Variants in ANK1 observed in about 807,000 individuals in gnomAD.
ANK1 encodes ankyrin-1.
ANK1 carries 51 observed loss-of-function variants against 210.4 expected under a neutral mutation model. That is an observed-to-expected ratio of 0.24 (90% CI 0.19 to 0.31). The LOEUF (loss-of-function observed/expected upper bound fraction) is 0.31. ANK1 is among the 10% of genes least tolerant of loss of function. ANK1 has a pLI of 1.00. For synonymous variants in ANK1, 967 were observed against 1,025.9 expected (o/e 0.94, Z 1.10); for missense variants, 2,051 against 2,504.4 (o/e 0.82, Z 3.86).
intron 2 of ANK1, among the ~76,000 whole-genome samples, chr8:41,750,338 C>A (rs1025803813): frequency 6.6e-6 from 1 of 152,280 alleles, no homozygotes; most frequent in East Asian, 1.9e-4. Flanking sequence ...CTTTTGTGAT[C>A]GTTCAGATGG....
At chr8:41,836,096 C>T (rs1241728996) in intron 1 of ANK1, among the ~76,000 whole-genome samples, 3 of 152,184 alleles carry the variant, frequency 2.0e-5, no homozygotes, top group South Asian at 2.1e-4. Context: ...CTCTCAGGGA[C>T]GACACAGCTG....
intron 1 of ANK1, among the ~76,000 whole-genome samples, chr8:41,876,245 G>A (rs1381488049): frequency 1.3e-5 from 2 of 151,776 alleles, no homozygotes; most frequent in East Asian, 3.9e-4. Flanking sequence ...CTCCAGCCGC[G>A]GCACCCTGGC....
chr8:41,890,870 G>GA (rs1219833798), intron 1 of ANK1, among the ~76,000 whole-genome samples: 12 of 151,838 alleles, frequency 7.9e-5, no homozygotes, highest in Non-Finnish European at 1.6e-4. Context: ...GAACAACTAA[G>GA]AAAAAAAACC....
chr8:41,699,325 G>T (rs571096263), intron 23 of ANK1, 127 bp downstream of exon 23: 5 of 890,642 alleles, frequency 5.6e-6, no homozygotes, highest in Non-Finnish European at 7.4e-6. Context: ...GGTGCAAACC[G>T]TCTCTCTCTG....
intron 1 of ANK1, among the ~76,000 whole-genome samples, chr8:41,875,835 G>T (rs980695704): frequency 6.6e-6 from 1 of 152,182 alleles, no homozygotes; most frequent in African/African-American, 2.4e-5. Flanking sequence ...AGATGATCTA[G>T]TGTTACACGG....
intron 1 of ANK1, among the ~76,000 whole-genome samples, chr8:41,789,976 C>T (rs1476128819): frequency 1.3e-5 from 2 of 152,090 alleles, no homozygotes; most frequent in Non-Finnish European, 2.9e-5. Context: ...CTGGGCTGAA[C>T]CTGTCGCCAC....
At chr8:41,737,046 T>A (rs1381672570) in intron 2 of ANK1, among the ~76,000 whole-genome samples, 6 of 152,170 alleles carry the variant, frequency 3.9e-5, no homozygotes, top group Admixed American at 3.3e-4. Context: ...ACATCTGTAA[T>A]CCCAGCACTT....
At chr8:41,877,925 G>A (rs779717994) in intron 1 of ANK1, among the ~76,000 whole-genome samples, 6 of 152,200 alleles carry the variant, frequency 3.9e-5, no homozygotes, top group Admixed American at 6.5e-5. Flanking sequence ...GGCTGTGGCC[G>A]TGTGAGGGAG....
intron 9 of ANK1, among the ~76,000 whole-genome samples, chr8:41,720,735 G>A (rs186820963): frequency 6.6e-5 from 10 of 152,190 alleles, no homozygotes; most frequent in Non-Finnish European, 1.5e-5. Flanking sequence ...GAGGAGGTGA[G>A]GCCTGAGCTA....
At chr8:41,858,662 C>A (rs1348041240) in intron 1 of ANK1, among the ~76,000 whole-genome samples, 1 of 152,232 alleles carries the variant, frequency 6.6e-6, no homozygotes, top group East Asian at 1.9e-4. Flanking sequence ...GGATTCCGCT[C>A]CTTCTATGGG....
At chr8:41,695,384 G>T (rs1820587958) in intron 26 of ANK1, 53 bp from the exon 27 acceptor site, 2 of 1,611,330 alleles carry the variant, frequency 1.2e-6, no homozygotes, top group Non-Finnish European at 1.7e-6. Flanking sequence ...GGCAGGCAGG[G>T]CACAGGGAGG....
intron 37 of ANK1, among the ~76,000 whole-genome samples, chr8:41,674,750 G>A (rs373794757): frequency 6.6e-6 from 1 of 152,238 alleles, no homozygotes; most frequent in Non-Finnish European, 1.5e-5. Flanking sequence ...AAATGAGCGG[G>A]GAGGATGAGC....
At chr8:41,804,898 TAAA>T (rs1035431703) in intron 1 of ANK1, among the ~76,000 whole-genome samples, 1 of 152,172 alleles carries the variant, frequency 6.6e-6, no homozygotes, top group African/African-American at 2.4e-5. Context: ...TTTAAAAGGT[TAAA>T]CAACAGATGC....
intron 1 of ANK1, chr8:41,829,699 G>A (rs1304957915): frequency 6.6e-6 from 1 of 152,340 alleles, no homozygotes. Context: ...CACTTTGGGA[G>A]GCCGAGGCAG....
rs504574 is a variant in ANK1 at position 41,696,410 on chromosome 8, C to A, written c.2913G>T (p.Leu971=). The A allele has an allele frequency of 6.1e-5, 98 of 1,613,048 alleles. No individual in the cohort carries two copies. The highest frequency in any genetic ancestry group is 7.7e-5 in the South Asian group (7 of 91,078). The change falls in exon 26 of 43, where the codon CTG becomes CTT. Residue 971 remains leucine (L), a synonymous_variant. Transcript: ENST00000289734. ...GCCCCAGTGCTATGATCCTGCTGGC[C>A]AGGCCCTCCTCCTCGGCCAGTGGGG... ...TPPPLAEEEG[L]ASRIIALGPT...
At chr8:41,707,513 C>CG (rs1457976161) in intron 17 of ANK1, among the ~76,000 whole-genome samples, 1 of 152,160 alleles carries the variant, frequency 6.6e-6, no homozygotes, top group Admixed American at 6.5e-5. Flanking sequence ...TGCAGGCAGG[C>CG]GGGGGTGGCT....
chr8:41,655,985 C>T (rs1284814580), intron 42 of ANK1, among the ~76,000 whole-genome samples: 1 of 152,238 alleles, frequency 6.6e-6, no homozygotes. Context: ...GAGCCGCCAC[C>T]CAGGCCTCAT....
At chr8:41,663,966 A>C in intron 39 of ANK1, 1 of 643,076 alleles carries the variant, frequency 1.6e-6, no homozygotes, top group Non-Finnish European at 2.9e-6. Context: ...GGTCGAGCTC[A>C]CAATTGTGCA....
intron 2 of ANK1, among the ~76,000 whole-genome samples, chr8:41,748,965 G>A (rs1330669357): frequency 6.6e-6 from 1 of 151,916 alleles, no homozygotes. Context: ...AACCTGGGAG[G>A]CGGAGCTTGC....
Sources: allele counts gnomAD v4.1 joint callset (sites outside exome capture counted in the v4.1 genomes callset), GRCh38; gene constraint gnomAD v4.1.1; transcripts MANE v1.5; gene names NCBI Gene and HGNC (gene_info 2026-07-23, HGNC 2026-07-21).